The following OMA1 variants were observed in gnomAD, a reference collection of about 807,000 sequenced individuals.
OMA1 encodes metalloendopeptidase OMA1, mitochondrial.
A neutral mutation model predicts 30.9 loss-of-function variants in OMA1; 38 were observed. The observed-to-expected ratio is 1.23, with a 90% CI of 0.95 to 1.61. The LOEUF is 1.61. Ranked by LOEUF, OMA1 falls within the 40% of genes most tolerant of loss-of-function variation. OMA1 has a pLI of 0.00. For missense variants in OMA1, 461 were observed against 349.2 expected, an observed-to-expected ratio of 1.32 and a Z score of -2.55; for synonymous variants, 173 against 121.9, an observed-to-expected ratio of 1.42 and a Z score of -2.76.
At chr1:58,517,137 A>G (rs527493769) in intron 7 of OMA1, among the ~76,000 whole-genome samples, 1 of 152,300 alleles carries the variant, frequency 6.6e-6, no homozygotes, top group South Asian at 2.1e-4. Flanking sequence ...TCAGACTACA[A>G]AACAGATTTG....
At chr1:58,527,151 A>C in intron 7 of OMA1, 110 bp downstream of exon 7, 3 of 720,022 alleles carry the variant, frequency 4.2e-6, no homozygotes. Context: ...TAAAGGGCTA[A>C]TACAGTCCAA....
intron 8 of OMA1, among the ~76,000 whole-genome samples, chr1:58,502,180 C>T (rs1252274961): frequency 6.6e-6 from 1 of 152,272 alleles, no homozygotes; most frequent in South Asian, 2.1e-4. Flanking sequence ...TAAAAATATA[C>T]AATCTTCAAT....
chr1:58,494,228 A>C (rs950913693), intron 8 of OMA1, among the ~76,000 whole-genome samples: 17 of 152,228 alleles, frequency 1.1e-4, no homozygotes, highest in African/African-American at 3.9e-4. Flanking sequence ...GAGAAAGCTG[A>C]AACTGGATCC....
chr1:58,485,931 G>T (rs1408684831), intron 8 of OMA1, among the ~76,000 whole-genome samples: 1 of 152,160 alleles, frequency 6.6e-6, no homozygotes, highest in Non-Finnish European at 1.5e-5. Flanking sequence ...GAAAAAGCAG[G>T]AATGTATTTT....
intron 7 of OMA1, among the ~76,000 whole-genome samples, chr1:58,513,366 T>C (rs1646111143): frequency 6.6e-6 from 1 of 152,146 alleles, no homozygotes; most frequent in Non-Finnish European, 1.5e-5. Flanking sequence ...TACCCAGTCT[T>C]GGGTATTTCT....
At chr1:58,488,750 C>A (rs1163628195) in intron 8 of OMA1, among the ~76,000 whole-genome samples, 5 of 152,198 alleles carry the variant, frequency 3.3e-5, no homozygotes, top group African/African-American at 9.6e-5. Flanking sequence ...ACGCCCAGCC[C>A]CAGTGTGTAG....
chr1:58,499,579 A>G (rs1013976229), intron 8 of OMA1, among the ~76,000 whole-genome samples: 3 of 152,050 alleles, frequency 2.0e-5, no homozygotes, highest in African/African-American at 4.8e-5. Context: ...GAGATCTACT[A>G]CACAGCATTG....
At chr1:58,490,540 T>G (rs1259810534) in intron 8 of OMA1, among the ~76,000 whole-genome samples, 1 of 152,146 alleles carries the variant, frequency 6.6e-6, no homozygotes, top group East Asian at 1.9e-4. Context: ...CCAAGAGAAC[T>G]TCCCCAATCT....
intron 8 of OMA1, among the ~76,000 whole-genome samples, chr1:58,486,911 G>A (rs946366537): frequency 2.0e-5 from 3 of 152,244 alleles, no homozygotes; most frequent in Admixed American, 1.3e-4. Flanking sequence ...AAAGGGGCAT[G>A]TGGTGAAGTT....
intron 8 of OMA1, among the ~76,000 whole-genome samples, chr1:58,483,795 T>C (rs1645529235): frequency 6.6e-6 from 1 of 152,252 alleles, no homozygotes; most frequent in African/African-American, 2.4e-5. Flanking sequence ...TGACTGTCTC[T>C]GCAAAATTGG....
intron 7 of OMA1, among the ~76,000 whole-genome samples, chr1:58,511,750 G>T (rs374081561): frequency 1.6e-4 from 25 of 152,092 alleles, no homozygotes; most frequent in South Asian, 4.1e-4. Context: ...CTTATCTTAC[G>T]CTACACACAA....
At chr1:58,543,238 A>G (rs1354584576) in intron 1 of OMA1, among the ~76,000 whole-genome samples, 2 of 152,218 alleles carry the variant, frequency 1.3e-5, no homozygotes, top group Non-Finnish European at 2.9e-5. Context: ...ACATGGTATA[A>G]AACAGTTATA....
At chr1:58,497,713 G>A (rs1354370981) in intron 8 of OMA1, among the ~76,000 whole-genome samples, 1 of 152,112 alleles carries the variant, frequency 6.6e-6, no homozygotes, top group Non-Finnish European at 1.5e-5. Flanking sequence ...AGAGAAGGAT[G>A]ACTCTAAATC....
intron 1 of OMA1, among the ~76,000 whole-genome samples, chr1:58,539,968 C>T (rs1183685231): frequency 6.6e-6 from 1 of 152,114 alleles, no homozygotes; most frequent in Admixed American, 6.5e-5. Flanking sequence ...TGCAGAGAAT[C>T]CCCCTCCCAT....
intron 7 of OMA1, among the ~76,000 whole-genome samples, chr1:58,508,873 A>G (rs1248973710): frequency 6.6e-6 from 1 of 151,172 alleles, no homozygotes; most frequent in Non-Finnish European, 1.5e-5. Flanking sequence ...CACGTGTCCA[A>G]CATTCTAACA....
chr1:58,527,170 C>A, intron 7 of OMA1, 91 bp downstream of exon 7: 1 of 776,966 alleles, frequency 1.3e-6, no homozygotes, highest in African/African-American at 1.7e-5. Flanking sequence ...AACTCTCATT[C>A]TCTGCTTATG....
At chr1:58,526,900 C>A (rs999744246) in intron 7 of OMA1, among the ~76,000 whole-genome samples, 5 of 152,002 alleles carry the variant, frequency 3.3e-5, no homozygotes, top group Non-Finnish European at 5.9e-5. Context: ...ATTACATAAC[C>A]AAATGTTTTA....
At chr1:58,530,516 C>A in intron 6 of OMA1, 85 bp downstream of exon 6, 3 of 721,872 alleles carry the variant, frequency 4.2e-6, no homozygotes, top group Non-Finnish European at 7.1e-6. Context: ...AATGTAAAAA[C>A]ATCTCTGGAT....
At chr1:58,509,355 C>T (rs934836948) in intron 7 of OMA1, among the ~76,000 whole-genome samples, 1 of 150,610 alleles carries the variant, frequency 6.6e-6, no homozygotes, top group African/African-American at 2.4e-5. Context: ...AAGTACTAAA[C>T]AGAAATTCTG....
Sources: gnomAD v4.1 joint callset for allele counts (sites outside exome capture counted in the v4.1 genomes callset) on GRCh38, gnomAD v4.1.1 for gene constraint, MANE v1.5 for transcripts, NCBI Gene and HGNC (gene_info 2026-07-23, HGNC 2026-07-21) for gene names.